The following REDIC1 variants were observed in gnomAD, a reference collection of about 807,000 sequenced individuals.
The protein encoded by REDIC1 is HEI10 Interacting Protein 1.
the REDIC1 span, among the ~76,000 whole-genome samples, chr12:39,673,911 G>T: frequency 6.6e-6 from 1 of 152,044 alleles, no homozygotes; most frequent in African/African-American, 2.4e-5. Flanking sequence ...CTACATAGTG[G>T]ACACATTAAA....
At chr12:39,789,132 GCT>G in the REDIC1 span, among the ~76,000 whole-genome samples, 1 of 152,142 alleles carries the variant, frequency 6.6e-6, no homozygotes, top group East Asian at 1.9e-4. Context: ...GATTTTAGAA[GCT>G]CTCTGTGAAC....
the REDIC1 span, chr12:39,830,609 A>G: frequency 2.7e-6 from 1 of 373,802 alleles, no homozygotes; most frequent in Non-Finnish European, 3.7e-6. Flanking sequence ...AGTTGCATCA[A>G]AGCATTCATT....
chr12:39,902,472 T>C, the REDIC1 span, among the ~76,000 whole-genome samples: 2 of 152,120 alleles, frequency 1.3e-5, no homozygotes, highest in Non-Finnish European at 2.9e-5. Context: ...ACTCAGTTCA[T>C]ACTTCTTGTA....
chr12:39,632,061 AT>A, the REDIC1 span, among the ~76,000 whole-genome samples: 1 of 151,034 alleles, frequency 6.6e-6, no homozygotes, highest in East Asian at 1.9e-4. Flanking sequence ...GTATATATAT[AT>A]ATATAATGTT....
At chr12:39,748,775 C>A in the REDIC1 span, among the ~76,000 whole-genome samples, 1 of 152,196 alleles carries the variant, frequency 6.6e-6, no homozygotes, top group East Asian at 1.9e-4. Flanking sequence ...TCACTCAAAA[C>A]CACTCAACTA....
chr12:39,737,462 C>T, the REDIC1 span, among the ~76,000 whole-genome samples: 1 of 152,208 alleles, frequency 6.6e-6, no homozygotes, highest in South Asian at 2.1e-4. Context: ...GCCACTGTAT[C>T]TCCCTGGCAA....
At chr12:39,775,090 C>A in the REDIC1 span, among the ~76,000 whole-genome samples, 1 of 152,200 alleles carries the variant, frequency 6.6e-6, no homozygotes, top group Non-Finnish European at 1.5e-5. Flanking sequence ...AAATTATATG[C>A]TTCAAGATGT....
chr12:39,767,812 TTTTATAATGGGC>T, the REDIC1 span, among the ~76,000 whole-genome samples: 1 of 151,956 alleles, frequency 6.6e-6, no homozygotes, highest in Non-Finnish European at 1.5e-5. Context: ...GATCTGAAGG[TTTTATAATGGGC>T]TTTTCCCCTT....
chr12:39,779,552 G>T, the REDIC1 span, among the ~76,000 whole-genome samples: 167 of 152,268 alleles, frequency 1.1e-3, 3 homozygotes, highest in Admixed American at 3.1e-3. Flanking sequence ...CTCAATAAAT[G>T]TAAATGTTAA....
At chr12:39,890,896 C>A in the REDIC1 span, among the ~76,000 whole-genome samples, 4 of 151,954 alleles carry the variant, frequency 2.6e-5, no homozygotes, top group Non-Finnish European at 5.9e-5. Context: ...AAAAACCTTA[C>A]AAAGTGGTAC....
chr12:39,807,874 G>C, the REDIC1 span, among the ~76,000 whole-genome samples: 3,261 of 152,190 alleles, frequency 0.021, 44 homozygotes, highest in South Asian at 0.033. Context: ...ATCAAATGCT[G>C]TTTGCTTAAA....
chr12:39,749,449 T>A, the REDIC1 span, among the ~76,000 whole-genome samples: 1 of 151,280 alleles, frequency 6.6e-6, no homozygotes, highest in African/African-American at 2.4e-5. Context: ...ACCAAAAAAA[T>A]TCCAGGACCA....
the REDIC1 span, among the ~76,000 whole-genome samples, chr12:39,636,246 T>C: frequency 2.6e-5 from 4 of 152,196 alleles, no homozygotes; most frequent in Non-Finnish European, 5.9e-5. Flanking sequence ...CGAGAACTTA[T>C]TTTAATTAGG....
At chr12:39,762,119 G>A in the REDIC1 span, among the ~76,000 whole-genome samples, 2 of 152,018 alleles carry the variant, frequency 1.3e-5, no homozygotes, top group African/African-American at 4.8e-5. Flanking sequence ...TGCCAAAACT[G>A]CCTACTCAGT....
the REDIC1 span, among the ~76,000 whole-genome samples, chr12:39,678,000 C>A: frequency 6.7e-6 from 1 of 150,280 alleles, no homozygotes; most frequent in African/African-American, 2.4e-5. Flanking sequence ...TGGAAGTGCA[C>A]AAATAGACAA....
the REDIC1 span, chr12:39,760,221 A>G: frequency 8.1e-6 from 13 of 1,612,528 alleles, no homozygotes; most frequent in African/African-American, 1.7e-4. Flanking sequence ...GGAGTCCCAC[A>G]GCAGCAAATC....
chr12:39,889,557 C>T, the REDIC1 span, among the ~76,000 whole-genome samples: 1 of 136,574 alleles, frequency 7.3e-6, no homozygotes, highest in Non-Finnish European at 1.5e-5. Flanking sequence ...TTTTTGAGAC[C>T]AAGTCTCACT....
the REDIC1 span, among the ~76,000 whole-genome samples, chr12:39,869,099 C>T: frequency 6.6e-6 from 1 of 152,104 alleles, no homozygotes; most frequent in South Asian, 2.1e-4. Flanking sequence ...TATGTTAGTA[C>T]TATTAAAATG....
At chr12:39,867,811 C>G in the REDIC1 span, among the ~76,000 whole-genome samples, 136 of 152,292 alleles carry the variant, frequency 8.9e-4, no homozygotes, top group Non-Finnish European at 1.3e-3. Flanking sequence ...ACCCCAACCT[C>G]TGAATCAGAG....
Sources: gnomAD v4.1 joint callset for allele counts (sites outside exome capture counted in the v4.1 genomes callset) on GRCh38, gnomAD v4.1.1 for gene constraint, MANE v1.5 for transcripts, NCBI Gene and HGNC (gene_info 2026-07-23, HGNC 2026-07-21) for gene names.